Variants in CPS1 observed in about 807,000 individuals in gnomAD.
CPS1 encodes carbamoyl-phosphate synthase [ammonia], mitochondrial.
In CPS1, 109 loss-of-function variants were observed where a neutral mutation model predicts 174.6. The ratio of observed to expected loss-of-function variants is 0.62; its 90% confidence interval spans 0.53 to 0.73. The LOEUF is 0.73. CPS1 is among the 30% of genes least tolerant of loss of function. The pLI is 0.00. For synonymous variants in CPS1, 637 were observed against 632.0 expected, an observed-to-expected ratio of 1.01 and a Z score of -0.12; for missense variants, 1,689 against 1,821.9, an observed-to-expected ratio of 0.93 and a Z score of 1.33.
intron 21 of CPS1, among the ~76,000 whole-genome samples, chr2:210,617,353 G>A (rs888572432): frequency 1.3e-5 from 2 of 151,870 alleles, no homozygotes; most frequent in Non-Finnish European, 2.9e-5. Flanking sequence ...TTGGAAAGAC[G>A]TCTTACCTGC....
At chr2:210,608,314 C>T (rs1277957175) in intron 18 of CPS1, 47 bp from the exon 19 acceptor site, 1 of 1,579,840 alleles carries the variant, frequency 6.3e-7, no homozygotes, top group South Asian at 1.1e-5. Context: ...GGTCTGTTTT[C>T]AATAATTGCT....
intron 1 of CPS1, among the ~76,000 whole-genome samples, chr2:210,557,333 T>C (rs1281745132): frequency 1.3e-5 from 2 of 152,104 alleles, no homozygotes; most frequent in East Asian, 3.9e-4. Context: ...AATATGTGTT[T>C]TTGAGATTTG....
At position 210,556,682 on chromosome 2, in the gene CPS1, A is replaced by T. The variant is rs1214050876; in HGVS notation, c.-52A>T. On this transcript the variant is annotated 5_prime_UTR_variant, in exon 1 of 38. Transcript: ENST00000233072. Reference sequence around the variant, plus strand: ...CATTAACTAAAAAGTCTTATCACACAATCTCATAAAATTTATGTAATTTCA... The same window carrying T: ...CATTAACTAAAAAGTCTTATCACACTATCTCATAAAATTTATGTAATTTCA... The T allele has an allele frequency of 6.2e-7, 1 of 1,608,692 alleles. No homozygotes were observed. The highest frequency in any genetic ancestry group is 8.5e-7 in the Non-Finnish European group (1 of 1,177,188).
intron 28 of CPS1, 80 bp from the exon 29 acceptor site, chr2:210,653,945 T>G: frequency 9.1e-7 from 1 of 1,104,722 alleles, no homozygotes; most frequent in East Asian, 2.4e-5. Context: ...ATACTTATAA[T>G]ACTTAAAGTA....
At chr2:210,628,485 T>C (rs1699758979) in intron 21 of CPS1, among the ~76,000 whole-genome samples, 1 of 152,196 alleles carries the variant, frequency 6.6e-6, no homozygotes, top group Admixed American at 6.5e-5. Flanking sequence ...TCAAAAATTA[T>C]TCTTATATAT....
At chr2:210,650,720 C>A (rs1386241308) in intron 28 of CPS1, among the ~76,000 whole-genome samples, 1 of 152,124 alleles carries the variant, frequency 6.6e-6, no homozygotes, top group Non-Finnish European at 1.5e-5. Flanking sequence ...ATTTTAGACT[C>A]CAGGAGTCTA....
chr2:210,626,637 G>A (rs776972166), intron 21 of CPS1, among the ~76,000 whole-genome samples: 6 of 152,182 alleles, frequency 3.9e-5, no homozygotes, highest in East Asian at 1.9e-4. Flanking sequence ...TAGGTATATC[G>A]TGAAATCTCT....
chr2:210,636,750 A>G (rs1700052720), intron 21 of CPS1, among the ~76,000 whole-genome samples: 1 of 152,130 alleles, frequency 6.6e-6, no homozygotes, highest in Non-Finnish European at 1.5e-5. Flanking sequence ...TTCACAAATG[A>G]GGCTTGGCTT....
rs754166196 is a variant in CPS1, at chr2:210,663,123, G to C, written c.3928G>C (p.Ala1310Pro). ...TCCCTGTTTTTTTTTTTTCCAACAG[G>C]CTCCCATGTTTTCCTGGCCCCGGTT... ...IIPADYVAIK[A>P]PMFSWPRLRD... The change falls in exon 33 of 38, where the codon GCT becomes CCT. Residue 1310 changes from alanine to proline, a missense_variant and splice_region_variant. Coordinates refer to ENST00000233072, the MANE Select transcript of CPS1 (RefSeq NM_001875.5). 4 of 1,611,302 alleles carry C rather than the reference G, an allele frequency of 2.5e-6. No homozygotes were observed. Among genetic ancestry groups the C allele is most frequent in the African/African-American group, 1.3e-5 (1 of 74,176 alleles).
At chr2:210,573,148 G>A in intron 1 of CPS1, 150 bp from the exon 2 acceptor site, 2 of 712,852 alleles carry the variant, frequency 2.8e-6, no homozygotes, top group South Asian at 3.3e-5. Flanking sequence ...AAAGTGACAA[G>A]TAATAGGAAA....
chr2:210,616,254 A>G (rs1025281607), intron 20 of CPS1, among the ~76,000 whole-genome samples, 169 bp from the exon 21 acceptor site: 1 of 151,924 alleles, frequency 6.6e-6, no homozygotes, highest in African/African-American at 2.4e-5. Flanking sequence ...CACCATCTTT[A>G]TGTTTATTGG....
At chr2:210,478,844 AG>A (rs1012477866) in intron 1 of CPS1, among the ~76,000 whole-genome samples, 145 of 152,090 alleles carry the variant, frequency 9.5e-4, no homozygotes, top group Non-Finnish European at 8.1e-4. Flanking sequence ...ATATAATCAA[AG>A]CATGTGACTT....
At chr2:210,504,475 T>C (rs548773269) in intron 1 of CPS1, among the ~76,000 whole-genome samples, 2 of 152,382 alleles carry the variant, frequency 1.3e-5, no homozygotes, top group South Asian at 4.1e-4. Flanking sequence ...GTCCTATTAT[T>C]ATCCCCATTT....
intron 1 of CPS1, among the ~76,000 whole-genome samples, chr2:210,519,310 T>C (rs1272295233): frequency 6.6e-6 from 1 of 152,092 alleles, no homozygotes; most frequent in Non-Finnish European, 1.5e-5. Flanking sequence ...GAATAGACTA[T>C]GTGCATCTAA....
At chr2:210,484,064 A>C (rs1455143678) in intron 1 of CPS1, among the ~76,000 whole-genome samples, 2 of 152,168 alleles carry the variant, frequency 1.3e-5, no homozygotes, top group Non-Finnish European at 2.9e-5. Context: ...CAATGTGCAT[A>C]AATGTTATGT....
intron 1 of CPS1, among the ~76,000 whole-genome samples, chr2:210,497,893 C>CATATATATATAT (rs59178446): frequency 0.055 from 4,745 of 86,668 alleles, 345 homozygotes; most frequent in East Asian, 0.083. Context: ...TATATACATA[C>CATATATATATAT]ATATATATAT....
chr2:210,522,822 G>A (rs1189847083), intron 1 of CPS1, among the ~76,000 whole-genome samples: 1 of 151,906 alleles, frequency 6.6e-6, no homozygotes, highest in Non-Finnish European at 1.5e-5. Flanking sequence ...TCCGTGATTT[G>A]GTCTTGGGTT....
At chr2:210,659,712 G>A (rs2105921916) in intron 31 of CPS1, among the ~76,000 whole-genome samples, 1 of 152,304 alleles carries the variant, frequency 6.6e-6, no homozygotes, top group East Asian at 1.9e-4. Flanking sequence ...GTGAAGGTTG[G>A]GAAGAAGGTA....
intron 2 of CPS1, among the ~76,000 whole-genome samples, chr2:210,573,812 G>A (rs1697596860): frequency 6.6e-6 from 1 of 151,956 alleles, no homozygotes; most frequent in African/African-American, 2.4e-5. Context: ...AATCAATTTT[G>A]CACATCTAAT....
Sources: allele counts gnomAD v4.1 joint callset (sites outside exome capture counted in the v4.1 genomes callset), GRCh38; gene constraint gnomAD v4.1.1; transcripts MANE v1.5; gene names NCBI Gene and HGNC (gene_info 2026-07-23, HGNC 2026-07-21).